Variants in ANKRD10 observed in about 807,000 individuals in gnomAD.
ANKRD10 encodes the protein ankyrin repeat domain 10.
A neutral mutation model predicts 27.0 loss-of-function variants in ANKRD10; 14 were observed. That is an observed-to-expected ratio of 0.52 (90% CI 0.34 to 0.81). The LOEUF (loss-of-function observed/expected upper bound fraction) is 0.81, where lower values mean the gene tolerates loss of function less well. ANKRD10 is among the 40% of genes least tolerant of loss of function. The pLI, the probability that ANKRD10 is intolerant of heterozygous loss-of-function variation, is 0.01. For missense variants in ANKRD10, 493 were observed against 544.0 expected (o/e 0.91, Z 0.93); for synonymous variants, 250 against 224.5 (o/e 1.11, Z -1.01).
At chr13:110,893,300 G>A (rs768427108) in intron 3 of ANKRD10, 37 bp from the exon 4 acceptor site, 14 of 1,598,356 alleles carry the variant, frequency 8.8e-6, no homozygotes, top group African/African-American at 2.7e-5. Context: ...CACCCCATCC[G>A]CGTGCTAACC....
At chr13:110,883,890 CTT>C (rs1051511632) in intron 4 of ANKRD10, 97 bp from the exon 5 acceptor site, 22 of 888,532 alleles carry the variant, frequency 2.5e-5, no homozygotes, top group Non-Finnish European at 3.6e-5. Context: ...GCACTGAACA[CTT>C]TAAACAATCA....
At chr13:110,883,914 A>AAAAAAAAAAAAAAAAC in intron 4 of ANKRD10, 121 bp from the exon 5 acceptor site, 1 of 1,096,644 alleles carries the variant, frequency 9.1e-7, no homozygotes, top group African/African-American at 1.6e-5. Flanking sequence ...ATAAAAAAAA[A>AAAAAAAAAAAAAAAAC]TCGACAGGTC....
chr13:110,879,331 A>C lies in ANKRD10; in HGVS notation c.*306T>G. 3.3e-6 allele frequency: 1 copy of C among 304,124 alleles called. No individual in the cohort carries two copies. Among genetic ancestry groups the C allele is most frequent in the Non-Finnish European group, 6.2e-6 (1 of 161,782 alleles). 18.8% of individuals were successfully genotyped at this position (304,124 alleles called of 1,614,324 possible). ...TATCTTGATCATATAATCTTTTAAC[A>C]AAAAGAAAAATGGCAATATCTGGTG... On this transcript the variant is annotated 3_prime_UTR_variant, in exon 6 of 6. Coordinates refer to ENST00000267339, the MANE Select transcript of ANKRD10 (RefSeq NM_017664.4).
intron 3 of ANKRD10, among the ~76,000 whole-genome samples, chr13:110,903,120 G>T (rs1407641748): frequency 6.6e-6 from 1 of 152,148 alleles, no homozygotes; most frequent in Non-Finnish European, 1.5e-5. Flanking sequence ...CAATCTTTTT[G>T]TAATAGTATA....
At chr13:110,880,244 T>G in intron 5 of ANKRD10, 132 bp from the exon 6 acceptor site, 1 of 785,650 alleles carries the variant, frequency 1.3e-6, no homozygotes, top group South Asian at 1.9e-5. Flanking sequence ...AGTTCTTTTT[T>G]CAAAGTAAAA....
chr13:110,896,988 A>T (rs201590741), intron 3 of ANKRD10, among the ~76,000 whole-genome samples: 19 of 18,212 alleles, frequency 1.0e-3, no homozygotes, highest in African/African-American at 8.5e-3. Context: ...TATAGGGATT[A>T]AAAAAAACCA....
At chr13:110,880,805 C>T (rs1033370245) in intron 5 of ANKRD10, among the ~76,000 whole-genome samples, 19 of 152,146 alleles carry the variant, frequency 1.2e-4, no homozygotes, top group African/African-American at 4.3e-4. Context: ...GAGAGACCGG[C>T]GACCACAGCA....
intron 4 of ANKRD10, among the ~76,000 whole-genome samples, chr13:110,890,282 A>G (rs993986926): frequency 2.0e-5 from 3 of 151,746 alleles, no homozygotes; most frequent in African/African-American, 7.3e-5. Context: ...TAATTGGCAG[A>G]AAAAAAAATC....
At chr13:110,881,021 G>T (rs919528849) in intron 5 of ANKRD10, among the ~76,000 whole-genome samples, 1 of 152,160 alleles carries the variant, frequency 6.6e-6, no homozygotes, top group African/African-American at 2.4e-5. Flanking sequence ...ACGTCTTATG[G>T]GATAAAACGT....
At chr13:110,884,044 A>G (rs1421521363) in intron 4 of ANKRD10, among the ~76,000 whole-genome samples, 1 of 152,212 alleles carries the variant, frequency 6.6e-6, no homozygotes, top group Non-Finnish European at 1.5e-5. Context: ...TGATGGCAAA[A>G]ATTCTAATTT....
chr13:110,911,162 T>G (rs1437419029), intron 1 of ANKRD10, among the ~76,000 whole-genome samples: 1 of 152,178 alleles, frequency 6.6e-6, no homozygotes, highest in African/African-American at 2.4e-5. Flanking sequence ...TAAAAAACTT[T>G]GTGTAGGCCG....
In ANKRD10 at chr13:110,886,879, G is replaced by A. The variant is rs1451440199; in HGVS notation, c.692-3086C>T. 2.6e-5 allele frequency among the ~76,000 whole-genome samples: 4 copies of A among 152,182 alleles called. No individual in the cohort carries two copies. The East Asian group carries it at 5.8e-4, about 22-fold the overall frequency. ...TGAATGCTTCTGAAAATGTTAGTATGACCACTTTTTTCAAAGGGTCTTCAC... is the reference window on the plus strand; with the variant it reads ...TGAATGCTTCTGAAAATGTTAGTATAACCACTTTTTTCAAAGGGTCTTCAC... On this transcript the variant is annotated intron_variant, in intron 4 of 5. Coordinates refer to ENST00000267339, the MANE Select transcript of ANKRD10 (RefSeq NM_017664.4).
chr13:110,913,479 T>C (rs552337260), intron 1 of ANKRD10, among the ~76,000 whole-genome samples: 34 of 152,242 alleles, frequency 2.2e-4, no homozygotes, highest in Non-Finnish European at 3.1e-4. Context: ...TAACAGCCCT[T>C]GAGGACTGAT....
Position 110,879,549 on chromosome 13 carries a change from T to TGACATTCGTTCAAGTTGC in ANKRD10, c.*70_*87dup. 3.0e-6 allele frequency: 3 copies of TGACATTCGTTCAAGTTGC among 990,428 alleles called. No homozygotes were observed. In the South Asian group the frequency reaches 4.6e-5, roughly 15 times the overall value. 61.4% of individuals were successfully genotyped at this position (990,428 alleles called of 1,614,324 possible). ...AAGTATATAAAAAACGTACAAGTTG[T>TGACATTCGTTCAAGTTGC]GACATTCGTTCAAGTTGCTGCTACA... On this transcript the variant is annotated 3_prime_UTR_variant, in exon 6 of 6. Transcript: ENST00000267339.
rs948877622 is a variant in ANKRD10 at position 110,906,274 on chromosome 13, C to G, written c.364-150G>C. The G allele has an allele frequency of 1.4e-5, 9 of 645,972 alleles. No homozygotes were observed. In the East Asian group the frequency reaches 2.5e-4, roughly 18 times the overall value. 40.0% of individuals were successfully genotyped at this position (645,972 alleles called of 1,614,324 possible). A position where few individuals can be genotyped will look rare whatever the true frequency, so the allele number is the denominator to read the frequency against. ...GATCTGAAGCAGAACACAAAGAAAT[C>G]TATACGTGAATGGAGGATGAGAACG... On this transcript the variant is annotated intron_variant, in intron 2 of 5. Transcript: ENST00000267339.
intron 4 of ANKRD10, among the ~76,000 whole-genome samples, chr13:110,889,653 T>C (rs1040089378): frequency 2.6e-5 from 4 of 152,174 alleles, no homozygotes; most frequent in African/African-American, 9.7e-5. Flanking sequence ...CAGACACTAC[T>C]TTTTGTGGGG....
At chr13:110,910,195 C>G (rs181882344) in intron 2 of ANKRD10, among the ~76,000 whole-genome samples, 81 of 152,362 alleles carry the variant, frequency 5.3e-4, no homozygotes, top group South Asian at 1.7e-3. Flanking sequence ...TAGCACTTAT[C>G]TGCATCAAGG....
At chr13:110,906,486 T>C (rs962227473) in intron 2 of ANKRD10, among the ~76,000 whole-genome samples, 4 of 151,700 alleles carry the variant, frequency 2.6e-5, no homozygotes, top group Non-Finnish European at 4.4e-5. Flanking sequence ...CACACACACA[T>C]TAAAACGGTC....
intron 3 of ANKRD10, chr13:110,903,448 G>C (rs1056830765): frequency 6.5e-6 from 1 of 154,662 alleles, no homozygotes; most frequent in Non-Finnish European, 1.5e-5. Flanking sequence ...AATAAGAAAA[G>C]AAAAAGAAAG....
Sources: gnomAD v4.1 joint callset for allele counts (sites outside exome capture counted in the v4.1 genomes callset) on GRCh38, gnomAD v4.1.1 for gene constraint, MANE v1.5 for transcripts, NCBI Gene and HGNC (gene_info 2026-07-23, HGNC 2026-07-21) for gene names.